Variants in SH2D3C observed in about 807,000 individuals in gnomAD.
SH2D3C encodes SH2 domain containing 3C.
A neutral mutation model predicts 75.2 loss-of-function variants in SH2D3C; 25 were observed. The ratio of observed to expected loss-of-function variants is 0.33; its 90% CI spans 0.24 to 0.46. SH2D3C has a LOEUF of 0.46. SH2D3C is among the 20% of genes least tolerant of loss of function. SH2D3C has a pLI of 1.00. For synonymous variants in SH2D3C, 450 were observed against 473.7 expected (o/e 0.95, Z 0.65); for missense variants, 933 against 1,165.3 (o/e 0.80, Z 2.90).
In SH2D3C at chr9:127,774,347, G is replaced by A. The variant is rs201475022; in HGVS notation, c.158C>T (p.Thr53Met). 51 of 1,613,760 alleles carry A rather than the reference G, an allele frequency of 3.2e-5. No homozygotes were observed. The highest frequency in any genetic ancestry group is 3.1e-4 in the East Asian group (14 of 44,890). The change falls in exon 2 of 12, where the codon ACG becomes ATG. Residue 53 changes from threonine to methionine, a missense_variant. Thr to Met is a moderately conservative substitution (Grantham distance 81). Transcript: ENST00000314830. This position sits in a 1 kb window ranked among gnomAD's most constrained non-coding sequence, Gnocchi z 4.3. Reference protein sequence around the residue: ...SHLEPDTFEATQDDMVTVPKS... With the variant: ...SHLEPDTFEAMQDDMVTVPKS... ...GGGCACCGTCACCATGTCATCCTGC[G>A]TGGCTTCAAAGGTGTCAGGCTCCAA...
Position 127,749,601 on chromosome 9 carries a change from C to T in SH2D3C, c.749G>A (p.Gly250Asp), listed in dbSNP as rs1564414981. ...FLIRDSLTSL[G>D]DYVLTCRWRN... ...CCAGCGGCACGTGAGCACATAGTCG[C>T]CCAGGCTGGTGAGTGAGTCCCGGAT... The change falls in exon 5 of 12, where the codon GGC (glycine) becomes GAC (aspartate). Residue 250 changes from glycine to aspartate, a missense_variant. Gly to Asp is a moderately conservative substitution (Grantham distance 94). Coordinates refer to ENST00000314830, the MANE Select transcript of SH2D3C (RefSeq NM_170600.3). This position sits in a 1 kb window ranked among gnomAD's most constrained non-coding sequence, Gnocchi z 5.9. 1 of 1,599,720 alleles carries T rather than the reference C, an allele frequency of 6.3e-7. No homozygotes were observed. The highest frequency in any genetic ancestry group is 8.5e-7 in the Non-Finnish European group (1 of 1,173,548).
intron 2 of SH2D3C, among the ~76,000 whole-genome samples, chr9:127,764,146 C>T (rs943845470): frequency 1.1e-4 from 16 of 152,314 alleles, no homozygotes; most frequent in African/African-American, 3.9e-4. Flanking sequence ...AGGGGCAGAG[C>T]CTTGGAGACA....
chr9:127,778,475 A>G, intron 1 of SH2D3C, 116 bp downstream of exon 1: 1 of 913,614 alleles, frequency 1.1e-6, no homozygotes, highest in Non-Finnish European at 1.8e-6. Context: ...ACAAAAAAAG[A>G]AAAAGAGTGA....
rs775185403 is a variant in SH2D3C at position 127,761,561 on chromosome 9, C to T, written c.555+50G>A. 2.2e-6 allele frequency: 3 copies of T among 1,383,514 alleles called. No individual in the cohort carries two copies. The South Asian group carries it at 3.6e-5, about 16-fold the overall frequency. 85.7% of individuals were successfully genotyped at this position (1,383,514 alleles called of 1,614,324 possible). A position where few individuals can be genotyped will look rare whatever the true frequency, so the allele number is the denominator to read the frequency against. On this transcript the variant is annotated intron_variant, in intron 3 of 11. Coordinates refer to ENST00000314830, the MANE Select transcript of SH2D3C (RefSeq NM_170600.3). ...CTCTGCCCACCCGTAATGGAGCAGG[C>T]TCTGAGACCTTCAGTGTCCTCTGAC...
Position 127,738,933 on chromosome 9 carries a change from G to T in SH2D3C, c.2408-12C>A. The T allele has an allele frequency of 6.4e-7, 1 of 1,557,578 alleles. No individual in the cohort carries two copies. Among genetic ancestry groups the T allele is most frequent in the African/African-American group, 1.4e-5 (1 of 74,034 alleles). On this transcript the variant is annotated splice_polypyrimidine_tract_variant and intron_variant, in intron 11 of 11. Coordinates refer to ENST00000314830, the MANE Select transcript of SH2D3C (RefSeq NM_170600.3). This position sits in a 1 kb window ranked among gnomAD's most constrained non-coding sequence, Gnocchi z 5.0. ...CCGGGCCTGGAACCCTGCAGTGTTG[G>T]GGCATAGGGTCAGGGCAGAGGCTGG...
chr9:127,747,035 G>A lies in SH2D3C; in HGVS notation c.1264+112C>T, dbSNP rs561473198. The A allele has an allele frequency of 1.5e-4, 159 of 1,055,162 alleles. 2 individuals are homozygous for A. The South Asian group carries it at 2.2e-3, about 15-fold the overall frequency. The allele number at this position is 1,055,162 out of a possible 1,614,324, so 65.4% of individuals were successfully genotyped here. A position where few individuals can be genotyped will look rare whatever the true frequency, so the allele number is the denominator to read the frequency against. ...ATTCCAGTGTCAGTTCTTTCTCTTG[G>A]TAAAGGTCGCGCCTCATAAAAGAGG... On this transcript the variant is annotated intron_variant, in intron 6 of 11. Transcript: ENST00000314830.
At chr9:127,755,263 A>C (rs937344617) in intron 3 of SH2D3C, 1 of 995,824 alleles carries the variant, frequency 1.0e-6, no homozygotes, top group Admixed American at 6.0e-5. Flanking sequence ...CGTGCCTCTC[A>C]GCGGCGCGAT....
In SH2D3C at chr9:127,747,980, T is replaced by C. The variant is rs377645420; in HGVS notation, c.1140-709A>G. Among the ~76,000 whole-genome samples, 119 of 152,266 alleles carry C rather than the reference T, an allele frequency of 7.8e-4. 1 individual carries two copies. The South Asian group carries it at 0.023, about 30-fold the overall frequency. The stretch of plus-strand genomic sequence containing the variant: ...GCTGAGCCAACACTTCTCAAGCTCC[T>C]CTGTCCCTCTCCTTTCCCAAGGAGG... On this transcript the variant is annotated intron_variant, in intron 5 of 11. Coordinates refer to ENST00000314830, the MANE Select transcript of SH2D3C (RefSeq NM_170600.3).
At chr9:127,765,897 C>G (rs1488578849) in intron 2 of SH2D3C, among the ~76,000 whole-genome samples, 1 of 152,186 alleles carries the variant, frequency 6.6e-6, no homozygotes, top group African/African-American at 2.4e-5. Flanking sequence ...CTAAATCAGT[C>G]CCATTAATCA....
chr9:127,750,271 C>T (rs538426122), intron 4 of SH2D3C, among the ~76,000 whole-genome samples: 151 of 152,210 alleles, frequency 9.9e-4, no homozygotes, highest in African/African-American at 3.3e-3. Context: ...TCTCCTGCCT[C>T]AGCCTCCTGA....
chr9:127,753,847 C>T (rs919145463), intron 3 of SH2D3C, among the ~76,000 whole-genome samples: 1 of 152,198 alleles, frequency 6.6e-6, no homozygotes, highest in Non-Finnish European at 1.5e-5. Flanking sequence ...GGGACGTGGG[C>T]AAAGGAGGGA....
At chr9:127,768,314 T>G (rs1235766066) in intron 2 of SH2D3C, among the ~76,000 whole-genome samples, 4 of 150,870 alleles carry the variant, frequency 2.7e-5, no homozygotes, top group African/African-American at 9.8e-5. Context: ...GTGGGGGGAG[T>G]ATCCTGGCCT....
chr9:127,767,339 C>G, intron 2 of SH2D3C: 5 of 1,427,792 alleles, frequency 3.5e-6, no homozygotes, highest in Non-Finnish European at 4.6e-6. Context: ...GCCTGGATCT[C>G]GAAGCCCCAT....
chr9:127,777,015 G>A (rs748411449), intron 1 of SH2D3C, among the ~76,000 whole-genome samples: 1 of 152,092 alleles, frequency 6.6e-6, no homozygotes, highest in African/African-American at 2.4e-5. Context: ...GATAGTGGGG[G>A]CTGGGAGGGA....
Position 127,747,262 on chromosome 9 carries a change from C to T in SH2D3C, c.1149G>A (p.Leu383=). Residue 383 remains leucine, a synonymous_variant, in exon 6 of 12, where the codon CTG becomes CTA. Coordinates refer to ENST00000314830, the MANE Select transcript of SH2D3C (RefSeq NM_170600.3). The stretch of plus-strand genomic sequence containing the variant: ...TGCGGATGGAGTCCCGAGGGCGGGG[C>T]AGCGACGTACTGTGGAGCAGACACC... ...RSDGCPTSTS[L]PRPRDSIRSC... 6.2e-7 allele frequency: 1 copy of T among 1,612,750 alleles called. No homozygotes were observed.
At chr9:127,753,215 G>A (rs986188458) in intron 3 of SH2D3C, among the ~76,000 whole-genome samples, 1 of 152,178 alleles carries the variant, frequency 6.6e-6, no homozygotes, top group African/African-American at 2.4e-5. Flanking sequence ...AGCAGCCTAG[G>A]GTTTTCCAGG....
At chr9:127,763,999 G>A (rs374764724) in intron 2 of SH2D3C, among the ~76,000 whole-genome samples, 15 of 152,254 alleles carry the variant, frequency 9.9e-5, no homozygotes, top group African/African-American at 2.6e-4. Context: ...CACTCTTCCC[G>A]GGTGAGGCAT....
chr9:127,741,241 CTTTT>C (rs71495658), intron 9 of SH2D3C, among the ~76,000 whole-genome samples: 3 of 137,548 alleles, frequency 2.2e-5, no homozygotes. Flanking sequence ...TCTTCTTATT[CTTTT>C]TTTTTTTTTT....
At chr9:127,742,213 TTTG>T (rs1299928909) in intron 8 of SH2D3C, among the ~76,000 whole-genome samples, 2 of 152,038 alleles carry the variant, frequency 1.3e-5, no homozygotes, top group African/African-American at 2.4e-5. Context: ...AGAGTAGTTT[TTTG>T]TTTTGTTTTT....
Sources: gnomAD v4.1 joint callset for allele counts (sites outside exome capture counted in the v4.1 genomes callset) on GRCh38, gnomAD v4.1.1 for gene constraint, Gnocchi (gnomAD v3.1) non-coding constraint, MANE v1.5 for transcripts, NCBI Gene and HGNC (gene_info 2026-07-23, HGNC 2026-07-21) for gene names.